Variants in CARF observed in about 807,000 individuals in gnomAD.
CARF encodes the protein calcium responsive transcription factor.
CARF carries 57 observed loss-of-function variants against 82.0 expected under a neutral mutation model. The observed-to-expected ratio is 0.70, with a 90% CI of 0.56 to 0.87. The LOEUF is 0.87. Among genes scored for constraint, CARF ranks in the 40% least tolerant of loss-of-function variants. The probability of loss-of-function intolerance (pLI) is 0.00; values close to 1 mark genes in which losing one functional copy is unlikely to be tolerated. For missense variants in CARF, 771 were observed against 855.8 expected (o/e 0.90, Z 1.24); for synonymous variants, 268 against 290.1 (o/e 0.92, Z 0.77).
chr2:202,938,955 C>T (rs770780577), intron 3 of CARF, among the ~76,000 whole-genome samples: 4 of 152,054 alleles, frequency 2.6e-5, no homozygotes, highest in Non-Finnish European at 5.9e-5. Flanking sequence ...GGCCACTGTA[C>T]GTCTAATTTC....
At chr2:202,970,507 C>T (rs1455075448) in intron 11 of CARF, among the ~76,000 whole-genome samples, 1 of 152,118 alleles carries the variant, frequency 6.6e-6, no homozygotes, top group Admixed American at 6.5e-5. Flanking sequence ...CCATTTCACA[C>T]CTTTTATGCT....
At position 202,984,893 on chromosome 2, in the gene CARF, T is replaced by A. The variant is rs2105954441; in HGVS notation, c.*1269T>A. 1 of 152,236 alleles carries A rather than the reference T, an allele frequency of 6.6e-6. No homozygotes were observed. The highest frequency in any genetic ancestry group is 1.5e-5 in the Non-Finnish European group (1 of 68,076). 9.4% of individuals were successfully genotyped at this position (152,236 alleles called of 1,614,324 possible). On this transcript the variant is annotated 3_prime_UTR_variant, in exon 17 of 17. Coordinates refer to ENST00000438828, the MANE Select transcript of CARF (RefSeq NM_024744.17). ...CAACGTGGTGAAACCCTGTTTCTAC[T>A]AAAAATACAAAAATTAGCTGGGTGT...
chr2:202,933,797 A>G (rs527977816), intron 3 of CARF, among the ~76,000 whole-genome samples: 10 of 152,306 alleles, frequency 6.6e-5, no homozygotes, highest in Admixed American at 1.3e-4. Context: ...TGTAGTCACT[A>G]TGAACTTATT....
At chr2:202,963,916 A>G (rs2059426971) in intron 9 of CARF, among the ~76,000 whole-genome samples, 1 of 152,172 alleles carries the variant, frequency 6.6e-6, no homozygotes. Flanking sequence ...TGGCTTGCCC[A>G]CTGCTCACCT....
intron 7 of CARF, among the ~76,000 whole-genome samples, 158 bp from the exon 8 acceptor site, chr2:202,955,516 A>G (rs1484297223): frequency 1.3e-5 from 2 of 152,250 alleles, no homozygotes; most frequent in Admixed American, 6.5e-5. Context: ...TAAAGAAAAT[A>G]ATAACTAATG....
rs1559292289 is a variant in CARF at position 202,983,613 on chromosome 2, T to G, written c.2167T>G (p.Ser723Ala). 6.3e-7 allele frequency: 1 copy of G among 1,579,794 alleles called. No individual in the cohort carries two copies. Among genetic ancestry groups the G allele is most frequent in the Non-Finnish European group, 8.7e-7 (1 of 1,152,628 alleles). Residue 723 changes from serine to alanine, a missense_variant, in exon 17 of 17, where the codon TCT becomes GCT. By Grantham distance (99) the Ser-to-Ala change is moderately conservative. Coordinates refer to ENST00000438828, the MANE Select transcript of CARF (RefSeq NM_024744.17). Reference protein sequence around the residue: ...AKKTVDYKKLSAT With the variant: ...AKKTVDYKKLAAT ...AAAAACTGTGGACTATAAGAAATTA[T>G]CTGCTACATAAATTATTGAAGCTTT... is the stretch of plus-strand genomic sequence containing the variant.
intron 12 of CARF, among the ~76,000 whole-genome samples, chr2:202,972,661 G>A (rs2059841711): frequency 7.8e-6 from 1 of 128,936 alleles, no homozygotes; most frequent in African/African-American, 2.8e-5. Flanking sequence ...TGGCTACAGA[G>A]CGAGACTCCG....
intron 2 of CARF, among the ~76,000 whole-genome samples, chr2:202,921,968 A>C (rs953237291): frequency 6.6e-6 from 1 of 151,538 alleles, no homozygotes; most frequent in Non-Finnish European, 1.5e-5. Flanking sequence ...TATGGGGACT[A>C]TAGGCACTCA....
chr2:202,955,530 C>T, intron 7 of CARF, 144 bp from the exon 8 acceptor site: 2 of 476,638 alleles, frequency 4.2e-6, no homozygotes, highest in South Asian at 4.2e-5. Context: ...ACTAATGCAC[C>T]CATCAGATCA....
At chr2:202,945,885 A>G (rs372307970) in intron 5 of CARF, among the ~76,000 whole-genome samples, 2 of 152,186 alleles carry the variant, frequency 1.3e-5, no homozygotes, top group East Asian at 3.8e-4. Context: ...AGGAATCACC[A>G]TACTGCTTTC....
chr2:202,919,625 T>G (rs548262556), intron 2 of CARF, among the ~76,000 whole-genome samples: 1 of 152,308 alleles, frequency 6.6e-6, no homozygotes, highest in African/African-American at 2.4e-5. Flanking sequence ...CTGGCAAAAG[T>G]TGAAAACAAA....
chr2:202,942,446 C>G (rs1201194145), intron 4 of CARF: 3 of 215,100 alleles, frequency 1.4e-5, no homozygotes, highest in Non-Finnish European at 2.4e-5. Context: ...TAATACAGAA[C>G]TTAATGCTAA....
intron 5 of CARF, among the ~76,000 whole-genome samples, chr2:202,944,651 G>A (rs775126084): frequency 9.2e-5 from 14 of 152,264 alleles, no homozygotes; most frequent in Non-Finnish European, 1.6e-4. Flanking sequence ...CTGCATCACC[G>A]GCAGAGGTTA....
chr2:202,983,527 C>T lies in CARF; in HGVS notation c.2081C>T (p.Thr694Ile), dbSNP rs1348657521. The T allele has an allele frequency of 6.2e-7, 1 of 1,606,854 alleles. No individual in the cohort carries two copies. Among genetic ancestry groups the T allele is most frequent in the Non-Finnish European group, 8.5e-7 (1 of 1,176,562 alleles). ...SALIEENPES[T>I]ISVSQVKQEP... ...AAAGTTGAAGAAAATCCAGAAAGTACCATTTCTGTGAGCCAAGTTAAACAA... is the reference window on the plus strand; with the variant it reads ...AAAGTTGAAGAAAATCCAGAAAGTATCATTTCTGTGAGCCAAGTTAAACAA... The change falls in exon 17 of 17, where the codon ACC becomes ATC. Residue 694 changes from threonine (T) to isoleucine (I), a missense_variant. Physicochemically the swap from Thr to Ile is moderately conservative, Grantham distance 89. Coordinates refer to ENST00000438828, the MANE Select transcript of CARF (RefSeq NM_024744.17).
intron 9 of CARF, among the ~76,000 whole-genome samples, chr2:202,964,667 A>C (rs2059466787): frequency 6.6e-6 from 1 of 151,874 alleles, no homozygotes; most frequent in African/African-American, 2.4e-5. Context: ...TAATATAAGA[A>C]ACCCCATGAC....
rs903200402 is a variant in CARF, at chr2:202,912,277, C to A, written c.-1155C>A. ...TCTGCGCGCTCCCGGTGGGGCGCGCCTGCGCATTATGCTGGTCTCCATGGC... is the reference window on the plus strand; with the variant it reads ...TCTGCGCGCTCCCGGTGGGGCGCGCATGCGCATTATGCTGGTCTCCATGGC... On this transcript the variant is annotated 5_prime_UTR_variant, in exon 1 of 17. The change creates a new upstream start codon in the 5' untranslated region. Coordinates refer to ENST00000438828, the MANE Select transcript of CARF (RefSeq NM_024744.17). 1 of 152,280 alleles carries A rather than the reference C, an allele frequency of 6.6e-6. No individual in the cohort carries two copies. The highest frequency in any genetic ancestry group is 1.5e-5 in the Non-Finnish European group (1 of 68,080). 9.4% of individuals were successfully genotyped at this position (152,280 alleles called of 1,614,324 possible).
intron 9 of CARF, among the ~76,000 whole-genome samples, chr2:202,964,855 C>T (rs1302882010): frequency 1.4e-5 from 2 of 140,846 alleles, no homozygotes; most frequent in African/African-American, 5.1e-5. Flanking sequence ...AAGATAAGGA[C>T]TCCTTATATA....
intron 3 of CARF, among the ~76,000 whole-genome samples, chr2:202,940,866 G>A (rs2105798526): frequency 6.6e-6 from 1 of 152,078 alleles, no homozygotes; most frequent in Non-Finnish European, 1.5e-5. Flanking sequence ...TTGATTGTTG[G>A]CACTTCTTGT....
At chr2:202,937,051 A>T (rs765619729) in intron 3 of CARF, among the ~76,000 whole-genome samples, 1 of 152,188 alleles carries the variant, frequency 6.6e-6, no homozygotes, top group Non-Finnish European at 1.5e-5. Context: ...TGTTGAAGAT[A>T]GTATTCTTTC....
Sources: allele counts gnomAD v4.1 joint callset (sites outside exome capture counted in the v4.1 genomes callset), GRCh38; gene constraint gnomAD v4.1.1; transcripts MANE v1.5; gene names NCBI Gene and HGNC (gene_info 2026-07-23, HGNC 2026-07-21).